The following RERE variants were observed in gnomAD, a reference collection of about 807,000 sequenced individuals.
RERE encodes the protein arginine-glutamic acid dipeptide repeats protein.
A neutral mutation model predicts 146.1 loss-of-function variants in RERE; 40 were observed. The observed-to-expected ratio is 0.27, with a 90% CI of 0.21 to 0.36. The LOEUF (loss-of-function observed/expected upper bound fraction) is 0.36. RERE is among the 10% of genes least tolerant of loss of function. The pLI, the probability that RERE is intolerant of heterozygous loss-of-function variation, is 1.00. For missense variants in RERE, 1,933 were observed against 2,138.7 expected (o/e 0.90, Z 1.90); for synonymous variants, 1,003 against 866.0 (o/e 1.16, Z -2.78).
At chr1:8,701,718 T>C (rs1639455379) in intron 1 of RERE, among the ~76,000 whole-genome samples, 1 of 152,164 alleles carries the variant, frequency 6.6e-6, no homozygotes, top group Admixed American at 6.5e-5. Flanking sequence ...TCAACTGCTC[T>C]GGACTGAAAA....
At chr1:8,739,791 TACTTCACTCCATCC>T (rs1640271016) in intron 1 of RERE, among the ~76,000 whole-genome samples, 1 of 150,398 alleles carries the variant, frequency 6.6e-6, no homozygotes, top group Admixed American at 6.7e-5. Flanking sequence ...TGAATCCATC[TACTTCACTCCATCC>T]ACTTCACTCC....
At chr1:8,473,312 C>T (rs1340574797) in intron 10 of RERE, among the ~76,000 whole-genome samples, 1 of 152,144 alleles carries the variant, frequency 6.6e-6, no homozygotes, top group East Asian at 1.9e-4. Flanking sequence ...GCAGGCTGCT[C>T]ACACCATACT....
At chr1:8,591,439 A>G (rs979954152) in intron 4 of RERE, among the ~76,000 whole-genome samples, 4 of 150,964 alleles carry the variant, frequency 2.6e-5, no homozygotes, top group African/African-American at 9.9e-5. Flanking sequence ...AAAAAAAAAA[A>G]AAAGAAAAGA....
In RERE at chr1:8,422,737, T is replaced by C. The variant is rs147112611; in HGVS notation, c.1274A>G (p.Asn425Ser). 2,248 of 1,612,642 alleles carry C rather than the reference T, an allele frequency of 1.4e-3. 4 individuals are homozygous for C. Among genetic ancestry groups the C allele is most frequent in the Admixed American group, 2.0e-3 (119 of 60,028 alleles). The part of the protein sequence containing the change: ...FFRIRKELLP[N>S]KETGELITFY... Reference sequence around the variant, plus strand: ...TCCAATTGTACTCACTGTTTCCTTATTGGGAAGCAGCTCCTTTCTAATTCT... The same window carrying C: ...TCCAATTGTACTCACTGTTTCCTTACTGGGAAGCAGCTCCTTTCTAATTCT... Residue 425 changes from asparagine (N) to serine (S), a missense_variant, in exon 12 of 23, where the codon AAT becomes AGT. By Grantham distance (46) the Asn-to-Ser change is conservative. Transcript: ENST00000400908.
At chr1:8,794,706 G>A (rs1384091359) in intron 1 of RERE, among the ~76,000 whole-genome samples, 2 of 152,012 alleles carry the variant, frequency 1.3e-5, no homozygotes, top group Non-Finnish European at 1.5e-5. Flanking sequence ...AAACCAGCCT[G>A]GGCAACACGG....
chr1:8,422,491 A>C (rs1354564489), intron 12 of RERE, among the ~76,000 whole-genome samples: 1 of 152,212 alleles, frequency 6.6e-6, no homozygotes, highest in Non-Finnish European at 1.5e-5. Flanking sequence ...CTGTTCTCAG[A>C]GTTACAACAG....
At chr1:8,409,451 G>T (rs1431507980) in intron 12 of RERE, among the ~76,000 whole-genome samples, 1 of 152,180 alleles carries the variant, frequency 6.6e-6, no homozygotes, top group Non-Finnish European at 1.5e-5. Flanking sequence ...ACTGTTTTGG[G>T]GAGAGGAATA....
At chr1:8,613,429 T>G (rs770253162) in intron 4 of RERE, among the ~76,000 whole-genome samples, 1 of 152,150 alleles carries the variant, frequency 6.6e-6, no homozygotes, top group Admixed American at 6.5e-5. Context: ...CAGGCTGCCA[T>G]GTACACCTGG....
At position 8,634,427 on chromosome 1, in the gene RERE, G is replaced by T. The variant is rs546491128; in HGVS notation, c.326-10047C>A. Among the ~76,000 whole-genome samples the T allele has an allele frequency of 6.6e-5, 10 of 152,328 alleles. No individual in the cohort carries two copies. The East Asian group carries it at 1.7e-3, about 26-fold the overall frequency. ...CTTCTACAAAGTTGCAGGCACAGAA[G>T]ACTGTGCTCTTGTTTTATTGGCTGA... On this transcript the variant is annotated intron_variant, in intron 2 of 22. Coordinates refer to ENST00000400908, the MANE Select transcript of RERE (RefSeq NM_001042681.2).
intron 12 of RERE, among the ~76,000 whole-genome samples, chr1:8,406,032 C>A (rs1235476934): frequency 6.6e-6 from 1 of 152,090 alleles, no homozygotes; most frequent in South Asian, 2.1e-4. Flanking sequence ...AACTACAAAG[C>A]CAAACTTAAA....
At chr1:8,552,125 T>C (rs565847410) in intron 6 of RERE, among the ~76,000 whole-genome samples, 2 of 152,228 alleles carry the variant, frequency 1.3e-5, no homozygotes, top group African/African-American at 4.8e-5. Flanking sequence ...GATTTTCTTA[T>C]AGGAAGAAAC....
At chr1:8,662,385 C>T (rs1244908245) in intron 1 of RERE, among the ~76,000 whole-genome samples, 1 of 152,188 alleles carries the variant, frequency 6.6e-6, no homozygotes, top group Non-Finnish European at 1.5e-5. Context: ...TTAAGAGAAC[C>T]ACTTCCTGGC....
chr1:8,496,001 G>GA (rs1167949837), intron 9 of RERE, among the ~76,000 whole-genome samples: 10 of 151,424 alleles, frequency 6.6e-5, no homozygotes, highest in Non-Finnish European at 8.8e-5. Flanking sequence ...CATAGAGAGA[G>GA]AAAAAAAATA....
intron 1 of RERE, among the ~76,000 whole-genome samples, chr1:8,733,973 G>A (rs1417800657): frequency 6.6e-6 from 1 of 152,128 alleles, no homozygotes; most frequent in African/African-American, 2.4e-5. Flanking sequence ...CATGGTGGTG[G>A]GTGCCTGTAA....
chr1:8,423,822 C>A lies in RERE; in HGVS notation c.1204-1015G>T. ...CAGAGCCCGGCGCGGCCGCGGGCGG[C>A]TGCAAAAGGCGGCCTGGATTGCCGC... is the stretch of plus-strand genomic sequence containing the variant. On this transcript the variant is annotated intron_variant, in intron 11 of 22. Coordinates refer to ENST00000400908, the MANE Select transcript of RERE (RefSeq NM_001042681.2). This position sits in a 1 kb window ranked among gnomAD's most constrained non-coding sequence, Gnocchi z 5.4. 2.2e-6 allele frequency: 1 copy of A among 462,508 alleles called. No individual in the cohort carries two copies. Among genetic ancestry groups the A allele is most frequent in the Non-Finnish European group, 2.8e-6 (1 of 354,454 alleles). The allele number at this position is 462,508 out of a possible 1,614,324, so 28.7% of individuals were successfully genotyped here. A position where few individuals can be genotyped will look rare whatever the true frequency, so the allele number is the denominator to read the frequency against.
intron 4 of RERE, among the ~76,000 whole-genome samples, chr1:8,598,169 G>A (rs1285056402): frequency 1.3e-5 from 2 of 152,164 alleles, no homozygotes; most frequent in Admixed American, 6.5e-5. Flanking sequence ...TTTCCTCGCT[G>A]GAATTATAAA....
At chr1:8,381,255 T>A (rs1642445398) in intron 12 of RERE, among the ~76,000 whole-genome samples, 1 of 152,028 alleles carries the variant, frequency 6.6e-6, no homozygotes, top group South Asian at 2.1e-4. Flanking sequence ...CTCCTCCCTT[T>A]CCTCCGACTG....
intron 1 of RERE, among the ~76,000 whole-genome samples, chr1:8,684,753 C>T (rs1639047477): frequency 6.6e-6 from 1 of 152,214 alleles, no homozygotes; most frequent in Non-Finnish European, 1.5e-5. Flanking sequence ...ATCTTTGCCT[C>T]CTGCAATTGC....
intron 12 of RERE, among the ~76,000 whole-genome samples, chr1:8,387,675 T>C (rs1201940867): frequency 6.6e-6 from 1 of 152,086 alleles, no homozygotes; most frequent in Admixed American, 6.5e-5. Context: ...AAATAGCCAA[T>C]AAACTCATTA....
Sources: gnomAD v4.1 joint callset for allele counts (sites outside exome capture counted in the v4.1 genomes callset) on GRCh38, gnomAD v4.1.1 for gene constraint, Gnocchi (gnomAD v3.1) non-coding constraint, MANE v1.5 for transcripts, NCBI Gene and HGNC (gene_info 2026-07-23, HGNC 2026-07-21) for gene names.